The following ATXN1 variants were observed in gnomAD, a reference collection of about 807,000 sequenced individuals.
ATXN1 encodes the protein ataxin 1, also known as ataxin-1.
In ATXN1, 8 loss-of-function variants were observed where a neutral mutation model predicts 56.4. That is an observed-to-expected ratio of 0.14 (90% CI 0.08 to 0.26). The LOEUF (loss-of-function observed/expected upper bound fraction) is 0.26. Ranked by LOEUF, ATXN1 falls within the 10% of genes least tolerant of loss-of-function variation. ATXN1 has a pLI of 1.00. For missense variants in ATXN1, 987 were observed against 1,106.5 expected (o/e 0.89, Z 1.53); for synonymous variants, 514 against 494.6 (o/e 1.04, Z -0.52).
intron 2 of ATXN1, among the ~76,000 whole-genome samples, chr6:16,669,667 CT>C (rs11356086): frequency 0.41 from 46,240 of 113,142 alleles, 7,102 homozygotes; most frequent in East Asian, 0.55. Context: ...ACTGAACAAT[CT>C]TTTTTTTTTT....
chr6:16,431,611 A>G (rs983776224), intron 6 of ATXN1, among the ~76,000 whole-genome samples: 30 of 152,158 alleles, frequency 2.0e-4, no homozygotes, highest in Non-Finnish European at 4.1e-4. Context: ...GTATTTAACT[A>G]TTTTCCAGGG....
chr6:16,445,063 C>T (rs1485796692), intron 6 of ATXN1, among the ~76,000 whole-genome samples: 1 of 152,016 alleles, frequency 6.6e-6, no homozygotes, highest in Non-Finnish European at 1.5e-5. Context: ...ATAGGTGATA[C>T]CGAGTAGTGT....
chr6:16,348,349 G>A (rs1308178376), intron 6 of ATXN1, among the ~76,000 whole-genome samples: 1 of 152,120 alleles, frequency 6.6e-6, no homozygotes, highest in African/African-American at 2.4e-5. Context: ...ACAGATATGA[G>A]CCACAGCACC....
intron 6 of ATXN1, among the ~76,000 whole-genome samples, chr6:16,408,016 C>T (rs979761125): frequency 4.6e-5 from 7 of 152,048 alleles, no homozygotes; most frequent in Non-Finnish European, 7.4e-5. Context: ...GCTAGGCATG[C>T]GGGATTGGGG....
chr6:16,518,621 TA>T (rs1761230669), intron 5 of ATXN1, among the ~76,000 whole-genome samples: 2 of 152,170 alleles, frequency 1.3e-5, no homozygotes, highest in African/African-American at 4.8e-5. Flanking sequence ...TCTTGTAAGA[TA>T]AAAGTTTCCA....
intron 6 of ATXN1, among the ~76,000 whole-genome samples, chr6:16,435,016 G>A (rs1368488246): frequency 6.6e-6 from 1 of 152,120 alleles, no homozygotes; most frequent in African/African-American, 2.4e-5. Flanking sequence ...ACACTGAGGA[G>A]ATTGCATCAG....
chr6:16,363,586 TC>T (rs1761858486), intron 6 of ATXN1, among the ~76,000 whole-genome samples: 2 of 152,364 alleles, frequency 1.3e-5, no homozygotes, highest in African/African-American at 4.8e-5. Flanking sequence ...GGCAAAGTTT[TC>T]CTTCAAGCAT....
intron 7 of ATXN1, among the ~76,000 whole-genome samples, chr6:16,315,975 C>G (rs909216589): frequency 6.6e-6 from 1 of 152,190 alleles, no homozygotes; most frequent in Non-Finnish European, 1.5e-5. Flanking sequence ...AGCCACCTAG[C>G]CTGGCCCCTT....
At chr6:16,650,428 A>AAC (rs549607377) in intron 3 of ATXN1, among the ~76,000 whole-genome samples, 1 of 152,168 alleles carries the variant, frequency 6.6e-6, no homozygotes, top group Non-Finnish European at 1.5e-5. Flanking sequence ...AGTATTAAAA[A>AAC]ACACACACAC....
intron 6 of ATXN1, among the ~76,000 whole-genome samples, chr6:16,400,359 C>T (rs1202567371): frequency 2.6e-5 from 4 of 152,064 alleles, no homozygotes; most frequent in Non-Finnish European, 5.9e-5. Flanking sequence ...ACCTCCCAAG[C>T]CCCTGTTCAG....
chr6:16,584,633 A>AC lies in ATXN1; in HGVS notation c.-361+1146dup, dbSNP rs113402430. ...GTACAATTTACTTGACTTACAAATG[A>AC]CCCCCCCCACCCCCAAAACCCAAAA... On this transcript the variant is annotated intron_variant, in intron 4 of 7. Transcript: ENST00000436367. Among the ~76,000 whole-genome samples the AC allele has an allele frequency of 4.6e-3, 668 of 146,022 alleles. 12 individuals are homozygous for AC. Among genetic ancestry groups the AC allele is most frequent in the African/African-American group, 0.015 (556 of 37,714 alleles).
intron 3 of ATXN1, among the ~76,000 whole-genome samples, chr6:16,612,141 G>A (rs892570253): frequency 4.6e-5 from 7 of 151,944 alleles, no homozygotes; most frequent in African/African-American, 1.2e-4. Flanking sequence ...TTACAGGTGT[G>A]AGCCACCGCG....
intron 3 of ATXN1, among the ~76,000 whole-genome samples, chr6:16,618,148 C>T (rs1763253898): frequency 6.6e-6 from 1 of 152,032 alleles, no homozygotes; most frequent in Non-Finnish European, 1.5e-5. Flanking sequence ...TCATTCTCAG[C>T]AAACTAACCC....
intron 4 of ATXN1, among the ~76,000 whole-genome samples, chr6:16,555,661 C>T (rs908802183): frequency 2.0e-5 from 3 of 152,212 alleles, no homozygotes; most frequent in African/African-American, 7.2e-5. Flanking sequence ...CATTGTTCTG[C>T]AGTCTGTTTG....
intron 6 of ATXN1, among the ~76,000 whole-genome samples, chr6:16,417,753 A>G (rs547165903): frequency 6.6e-6 from 1 of 152,084 alleles, no homozygotes. Flanking sequence ...TTTTTTTTTA[A>G]TGGCCTAATC....
intron 4 of ATXN1, among the ~76,000 whole-genome samples, chr6:16,537,889 G>T (rs147900680): frequency 6.6e-6 from 1 of 152,110 alleles, no homozygotes; most frequent in African/African-American, 2.4e-5. Flanking sequence ...GATCACCTGA[G>T]GTCAGGAGTT....
At chr6:16,490,301 C>CT (rs1760635713) in intron 5 of ATXN1, among the ~76,000 whole-genome samples, 3 of 152,136 alleles carry the variant, frequency 2.0e-5, no homozygotes, top group Admixed American at 2.0e-4. Context: ...TCCCTTCAGT[C>CT]TTTTTCCTCT....
At chr6:16,543,531 T>C (rs1761755450) in intron 4 of ATXN1, among the ~76,000 whole-genome samples, 1 of 151,344 alleles carries the variant, frequency 6.6e-6, no homozygotes, top group Non-Finnish European at 1.5e-5. Flanking sequence ...TACATGTGAA[T>C]TGAACTCCTA....
intron 6 of ATXN1, among the ~76,000 whole-genome samples, chr6:16,345,472 A>C (rs1337996844): frequency 6.6e-6 from 1 of 152,220 alleles, no homozygotes; most frequent in East Asian, 1.9e-4. Flanking sequence ...AACCAGCCTA[A>C]ATCAATCGTA....
Sources: allele counts gnomAD v4.1 joint callset (sites outside exome capture counted in the v4.1 genomes callset), GRCh38; gene constraint gnomAD v4.1.1; transcripts MANE v1.5; gene names NCBI Gene and HGNC (gene_info 2026-07-23, HGNC 2026-07-21).